The following AQR variants were observed in gnomAD, a reference collection of about 807,000 sequenced individuals.
AQR encodes RNA helicase aquarius.
AQR carries 61 observed loss-of-function variants against 180.5 expected under a neutral mutation model. That is an observed-to-expected ratio of 0.34 (90% CI 0.28 to 0.42). AQR has a LOEUF of 0.42. AQR is among the 10% of genes least tolerant of loss of function. The pLI is 1.00. For synonymous variants in AQR, 551 were observed against 588.8 expected, an observed-to-expected ratio of 0.94 and a Z score of 0.93; for missense variants, 1,281 against 1,798.3, an observed-to-expected ratio of 0.71 and a Z score of 5.20.
chr15:34,966,896 A>C (rs1221245500), intron 1 of AQR, among the ~76,000 whole-genome samples: 24 of 52,024 alleles, frequency 4.6e-4, no homozygotes, highest in Admixed American at 2.7e-3. Flanking sequence ...TTTTTTTTTG[A>C]GATGGAGTTC....
chr15:34,958,961 C>T (rs891818438), intron 3 of AQR, among the ~76,000 whole-genome samples: 1 of 150,182 alleles, frequency 6.7e-6, no homozygotes, highest in Non-Finnish European at 1.5e-5. Context: ...CCTGACATTA[C>T]ATTACATATA....
chr15:34,893,290 C>T (rs1176651525), intron 23 of AQR, among the ~76,000 whole-genome samples: 2 of 152,094 alleles, frequency 1.3e-5, no homozygotes, highest in Non-Finnish European at 2.9e-5. Context: ...TAAGACCGCA[C>T]AATATAAACT....
At position 34,969,522 on chromosome 15, in the gene AQR, G is replaced by C. The variant is rs1351829553; in HGVS notation, c.75+17C>G. ...CGTCCATACCCACTCACACACACCAGACTCGCCCGAGCTCACCTGGGTCAC... is the reference window on the plus strand; with the variant it reads ...CGTCCATACCCACTCACACACACCACACTCGCCCGAGCTCACCTGGGTCAC... On this transcript the variant is annotated intron_variant, in intron 1 of 34. Transcript: ENST00000156471. The C allele has an allele frequency of 1.9e-6, 3 of 1,613,196 alleles. No homozygotes were observed. Among genetic ancestry groups the C allele is most frequent in the Non-Finnish European group, 2.5e-6 (3 of 1,179,928 alleles).
At position 34,870,893 on chromosome 15, in the gene AQR, T is replaced by A; in HGVS notation, c.3627A>T (p.Ala1209=). 1.2e-6 allele frequency: 2 copies of A among 1,613,014 alleles called. No homozygotes were observed. Among genetic ancestry groups the A allele is most frequent in the Admixed American group, 1.7e-5 (1 of 59,890 alleles). The change falls in exon 31 of 35, where the codon GCA becomes GCT. Residue 1209 remains alanine (A), a synonymous_variant. Coordinates refer to ENST00000156471, the MANE Select transcript of AQR (RefSeq NM_014691.3). The part of the protein sequence containing the change: ...QNLGEAEYVV[A]LFMYMCLLGY... Reference sequence around the variant, plus strand: ...CAAGTAAACACATGTACATAAAAAGTGCTACTACATATTCTGCCTCTCCAA... The same window carrying A: ...CAAGTAAACACATGTACATAAAAAGAGCTACTACATATTCTGCCTCTCCAA...
At chr15:34,940,781 T>G (rs747354929) in intron 8 of AQR, 118 bp downstream of exon 8, 2 of 756,048 alleles carry the variant, frequency 2.6e-6, no homozygotes, top group Non-Finnish European at 2.2e-6. Flanking sequence ...AAGCACTTAT[T>G]ATAATAATTT....
intron 28 of AQR, 55 bp from the exon 29 acceptor site, chr15:34,874,919 A>G (rs1892870428): frequency 6.7e-7 from 1 of 1,498,882 alleles, no homozygotes; most frequent in Admixed American, 1.9e-5. Context: ...CTTGTCTCCA[A>G]TTTATTACCC....
At chr15:34,922,610 A>G (rs1188003703) in intron 13 of AQR, among the ~76,000 whole-genome samples, 5 of 152,102 alleles carry the variant, frequency 3.3e-5, no homozygotes, top group Non-Finnish European at 5.9e-5. Context: ...GCTGAAGTAC[A>G]GTGGCAAGAT....
At position 34,873,884 on chromosome 15, in the gene AQR, T is replaced by C; in HGVS notation, c.3541A>G (p.Asn1181Asp). 1.2e-6 allele frequency: 2 copies of C among 1,609,756 alleles called. No individual in the cohort carries two copies. Among genetic ancestry groups the C allele is most frequent in the Non-Finnish European group, 1.7e-6 (2 of 1,177,522 alleles). ...CCCACTCCTTGAAAATCTTCAACAT[T>C]AATGAGCTGGAAGTCATACAGTAAG... ...AGLLYDFQLI[N>D]VEDFQGVGES... Residue 1181 changes from asparagine to aspartate, a missense_variant, in exon 30 of 35, where the codon AAT (asparagine) becomes GAT (aspartate). Transcript: ENST00000156471.
chr15:34,863,636 C>T (rs1236380328), intron 32 of AQR, among the ~76,000 whole-genome samples: 1 of 152,082 alleles, frequency 6.6e-6, no homozygotes, highest in African/African-American at 2.4e-5. Flanking sequence ...AGATTCAATG[C>T]CTGGCCTATA....
intron 2 of AQR, among the ~76,000 whole-genome samples, chr15:34,963,914 G>T (rs150273975): frequency 0.05 from 7,554 of 152,066 alleles, 273 homozygotes; most frequent in African/African-American, 0.1. Context: ...CACTGGCCTT[G>T]GCCTCCCAAA....
In AQR at chr15:34,860,129, T is replaced by C; in HGVS notation, c.4056A>G (p.Val1352=). 6.6e-7 allele frequency: 1 copy of C among 1,525,108 alleles called. No homozygotes were observed. Among genetic ancestry groups the C allele is most frequent in the Non-Finnish European group, 8.9e-7 (1 of 1,126,132 alleles). The allele number at this position is 1,525,108 out of a possible 1,614,324, so 94.5% of individuals were successfully genotyped here. A position where few individuals can be genotyped will look rare whatever the true frequency, so the allele number is the denominator to read the frequency against. ...RKNGERPSHE[V]QIIKNMPQMA... ...TCTGGGGCATATTTTTTATTATTTGTACTTCATGAGATGGTCTCTCTCCAT... is the reference window on the plus strand; with the variant it reads ...TCTGGGGCATATTTTTTATTATTTGCACTTCATGAGATGGTCTCTCTCCAT... Residue 1352 remains valine (V), a synonymous_variant, in exon 34 of 35, where the codon GTA becomes GTG. Transcript: ENST00000156471.
At chr15:34,881,539 C>G (rs1892973648) in intron 27 of AQR, among the ~76,000 whole-genome samples, 1 of 152,192 alleles carries the variant, frequency 6.6e-6, no homozygotes, top group Non-Finnish European at 1.5e-5. Context: ...AGCAAAGTCA[C>G]AAAAAATTTG....
intron 16 of AQR, among the ~76,000 whole-genome samples, chr15:34,913,488 A>C (rs1436410717): frequency 6.6e-6 from 1 of 152,186 alleles, no homozygotes; most frequent in African/African-American, 2.4e-5. Flanking sequence ...TAAAAATGTA[A>C]ATTTAGAAAA....
chr15:34,859,055 T>G (rs528728881), intron 34 of AQR, among the ~76,000 whole-genome samples: 1 of 152,182 alleles, frequency 6.6e-6, no homozygotes, highest in Non-Finnish European at 1.5e-5. Context: ...AAGAACACTT[T>G]GATACATTGA....
chr15:34,932,896 T>G lies in AQR; in HGVS notation c.784-462A>C, dbSNP rs140936049. 8.6e-5 allele frequency among the ~76,000 whole-genome samples: 13 copies of G among 152,034 alleles called. 1 individual carries two copies. The highest frequency in any genetic ancestry group is 2.9e-4 in the African/African-American group (12 of 41,452). On this transcript the variant is annotated intron_variant, in intron 10 of 34. Transcript: ENST00000156471. ...GCTTGAACCCAGGAGGCAGAGGTTGTCTTGAACCAAGATCGTGCCACTGCA... is the reference window on the plus strand; with the variant it reads ...GCTTGAACCCAGGAGGCAGAGGTTGGCTTGAACCAAGATCGTGCCACTGCA...
intron 8 of AQR, 145 bp from the exon 9 acceptor site, chr15:34,938,958 CTTCT>C: frequency 6.7e-6 from 4 of 592,806 alleles, no homozygotes; most frequent in South Asian, 2.2e-5. Context: ...TATACAGCTT[CTTCT>C]TTCTATGTAA....
Position 34,893,645 on chromosome 15 carries a change from ACACACACAGT to A in AQR, c.2571+8_2571+17del. On this transcript the variant is annotated splice_region_variant and intron_variant, in intron 23 of 34. Transcript: ENST00000156471. Reference sequence around the variant, plus strand: ...CACACACACACACACACACACACACACACACACAGTCATTTACCTGATTGGAATGAGTAAC... The same window carrying A: ...CACACACACACACACACACACACACACATTTACCTGATTGGAATGAGTAAC... The A allele has an allele frequency of 6.3e-7, 1 of 1,587,862 alleles. No homozygotes were observed. The highest frequency in any genetic ancestry group is 8.6e-7 in the Non-Finnish European group (1 of 1,162,904).
rs567099420 is a variant in AQR, at chr15:34,943,197, C to A, written c.471+1091G>T. 177 of 1,610,336 alleles carry A rather than the reference C, an allele frequency of 1.1e-4. No individual in the cohort carries two copies. The South Asian group carries it at 1.9e-3, about 17-fold the overall frequency. ...TTCTCTGTATGCCCAGGGAAAGCGG[C>A]GTTATGACAGGAAGCAGAGTGGCTA... On this transcript the variant is annotated intron_variant, in intron 6 of 34. Coordinates refer to ENST00000156471, the MANE Select transcript of AQR (RefSeq NM_014691.3).
At chr15:34,864,055 T>C (rs1423608987) in intron 32 of AQR, among the ~76,000 whole-genome samples, 1 of 152,210 alleles carries the variant, frequency 6.6e-6, no homozygotes, top group African/African-American at 2.4e-5. Flanking sequence ...GAGATTGTTC[T>C]CTGTAACATT....
Sources: allele counts gnomAD v4.1 joint callset (sites outside exome capture counted in the v4.1 genomes callset), GRCh38; gene constraint gnomAD v4.1.1; transcripts MANE v1.5; gene names NCBI Gene and HGNC (gene_info 2026-07-23, HGNC 2026-07-21).